The following EHMT2 variants were observed in gnomAD, a reference collection of about 807,000 sequenced individuals.
The protein encoded by EHMT2 is histone-lysine N-methyltransferase EHMT2.
A neutral mutation model predicts 143.3 loss-of-function variants in EHMT2; 59 were observed. The observed-to-expected ratio is 0.41, with a 90% confidence interval of 0.33 to 0.51. EHMT2 has a LOEUF of 0.51. Ranked by LOEUF, EHMT2 falls within the 20% of genes least tolerant of loss-of-function variation. EHMT2 has a pLI of 0.18. For synonymous variants in EHMT2, 604 were observed against 651.5 expected (o/e 0.93, Z 1.11); for missense variants, 1,174 against 1,645.9 (o/e 0.71, Z 4.96).
Position 31,884,310 on chromosome 6 carries a change from G to A in EHMT2, c.2771+82C>T. ...GGTGCATGGGGAGGGGTTGGGGAAT[G>A]TTGTGAGGATGCAATGGAGCCTGGG... is the stretch of plus-strand genomic sequence containing the variant. On this transcript the variant is annotated intron_variant, in intron 21 of 27. Coordinates refer to ENST00000375537, the Ensembl canonical transcript of EHMT2. The surrounding 1 kb of genome is among the most constrained non-coding windows in gnomAD (Gnocchi z 7.3). 1 of 1,484,474 alleles carries A rather than the reference G, an allele frequency of 6.7e-7. No homozygotes were observed. 92.0% of individuals were successfully genotyped at this position (1,484,474 alleles called of 1,614,324 possible). A position where few individuals can be genotyped will look rare whatever the true frequency, so the allele number is the denominator to read the frequency against.
Position 31,883,332 on chromosome 6 carries a change from G to T in EHMT2, c.2994+30C>A. On this transcript the variant is annotated intron_variant, in intron 23 of 27. Coordinates refer to ENST00000375537, the Ensembl canonical transcript of EHMT2. This position sits in a 1 kb window ranked among gnomAD's most constrained non-coding sequence, Gnocchi z 5.6. The stretch of plus-strand genomic sequence containing the variant: ...CTGGCTCCTCTGAAGGAGGGGCCGG[G>T]TGTCTGTGGCCAAGGCAAGGGGCAC... 4 of 1,609,044 alleles carry T rather than the reference G, an allele frequency of 2.5e-6. No individual in the cohort carries two copies. The highest frequency in any genetic ancestry group is 3.4e-6 in the Non-Finnish European group (4 of 1,176,790).
Position 31,889,577 on chromosome 6 carries a change from T to C in EHMT2, c.890A>G (p.Gln297Arg). 6.2e-7 allele frequency: 1 copy of C among 1,611,392 alleles called. No homozygotes were observed. The highest frequency in any genetic ancestry group is 2.2e-5 in the East Asian group (1 of 44,876). Residue 297 changes from glutamine to arginine, a missense_variant, in exon 8 of 28, where the codon CAA (glutamine) becomes CGA (arginine). By Grantham distance (43) the Gln-to-Arg change is conservative. Coordinates refer to ENST00000375537, the Ensembl canonical transcript of EHMT2. This position sits in a 1 kb window ranked among gnomAD's most constrained non-coding sequence, Gnocchi z 5.1. ...TTCCTCCTCCTCCTCTTCACTTAGT[T>C]GTTCAGTTAGAGCTTCAACTTCAGA...
At position 31,889,555 on chromosome 6, in the gene EHMT2, C is replaced by G; in HGVS notation, c.912G>C (p.Glu304Asp). The change falls in exon 8 of 28, where the codon GAG becomes GAC. Residue 304 changes from glutamate to aspartate, a missense_variant. Physicochemically the swap from Glu to Asp is conservative, Grantham distance 45. Around this residue, in one of 6 missense-constraint regions of EHMT2, gnomAD observed 399 missense variants for 404.4 expected, o/e 0.99. Coordinates refer to ENST00000375537, the Ensembl canonical transcript of EHMT2. This position sits in a 1 kb window ranked among gnomAD's most constrained non-coding sequence, Gnocchi z 5.1. ...CCTCTTCTTCTTCTTCCTCCTCTTC[C>G]TCCTCCTCCTCTTCACTTAGTTGTT... 6.2e-7 allele frequency: 1 copy of G among 1,607,228 alleles called. No homozygotes were observed. Among genetic ancestry groups the G allele is most frequent in the Non-Finnish European group, 8.5e-7 (1 of 1,176,372 alleles).
At chr6:31,892,359 C>T (rs778637902) in intron 7 of EHMT2, 48 bp downstream of exon 7, 11 of 1,598,332 alleles carry the variant, frequency 6.9e-6, no homozygotes, top group Non-Finnish European at 9.4e-6. Context: ...CAGTGAGCCC[C>T]AGCCCTGGGG....
chr6:31,888,926 G>A lies in EHMT2; in HGVS notation c.1216+43C>T. 2 of 1,551,404 alleles carry A rather than the reference G, an allele frequency of 1.3e-6. No individual in the cohort carries two copies. Among genetic ancestry groups the A allele is most frequent in the African/African-American group, 1.4e-5 (1 of 73,784 alleles). Reference sequence around the variant, plus strand: ...TCCTTCCCTTTCCCTCCTGCCCTGAGGTCGCCCCCTAGTGGCTCCCTGTCC... The same window carrying A: ...TCCTTCCCTTTCCCTCCTGCCCTGAAGTCGCCCCCTAGTGGCTCCCTGTCC... On this transcript the variant is annotated intron_variant, in intron 10 of 27. Coordinates refer to ENST00000375537, the Ensembl canonical transcript of EHMT2. This position sits in a 1 kb window ranked among gnomAD's most constrained non-coding sequence, Gnocchi z 7.4.
exon 14 of EHMT2, chr6:31,887,868 G>A: frequency 6.2e-7 from 1 of 1,611,868 alleles, no homozygotes; most frequent in Non-Finnish European, 8.5e-7. Context: ...AGCCCCCATT[G>A]GGCAGGGTCA....
At chr6:31,882,285 T>C (rs1456203104) in intron 25 of EHMT2, among the ~76,000 whole-genome samples, 1 of 152,052 alleles carries the variant, frequency 6.6e-6, no homozygotes, top group East Asian at 1.9e-4. Flanking sequence ...TCACCTCCAC[T>C]CTACAGACAA....
intron 4 of EHMT2, chr6:31,893,781 A>G (rs1766003704): frequency 5.4e-6 from 1 of 185,076 alleles, no homozygotes; most frequent in Admixed American, 5.5e-5. Context: ...TTACACTTAG[A>G]TAAAGTACTT....
intron 15 of EHMT2, 67 bp from the exon 16 acceptor site, chr6:31,887,168 G>A (rs1398109425): frequency 1.1e-5 from 15 of 1,377,538 alleles, no homozygotes; most frequent in Non-Finnish European, 1.2e-5. Flanking sequence ...GGGGCAGGTG[G>A]CACTTCTTTC....
chr6:31,897,692 G>A, upstream of EHMT2: 2 of 1,098,208 alleles, frequency 1.8e-6, no homozygotes, highest in Non-Finnish European at 2.3e-6. Flanking sequence ...GCTTGCGCTG[G>A]GGGCCGAGCC....
chr6:31,886,817 T>C lies in EHMT2; in HGVS notation c.2199A>G (p.Val733=), dbSNP rs779609966. 13 of 1,614,258 alleles carry C rather than the reference T, an allele frequency of 8.1e-6. No homozygotes were observed. In the South Asian group the frequency reaches 1.4e-4, roughly 18 times the overall value. The change falls in exon 17 of 28, where the codon GTA becomes GTG. Residue 733 remains valine, a synonymous_variant. Coordinates refer to ENST00000375537, the Ensembl canonical transcript of EHMT2. ...CACCACGCTGCACCATGTAACGGGCTACCTCCAGGTGGTTGTTCACCACGG... is the reference window on the plus strand; with the variant it reads ...CACCACGCTGCACCATGTAACGGGCCACCTCCAGGTGGTTGTTCACCACGG...
In EHMT2 at chr6:31,883,870, T is replaced by C. The variant is rs747261827; in HGVS notation, c.2852A>G (p.Lys951Arg). 1.2e-6 allele frequency: 2 copies of C among 1,614,038 alleles called. No individual in the cohort carries two copies. Among genetic ancestry groups the C allele is most frequent in the Admixed American group, 1.7e-5 (1 of 60,022 alleles). ...CGTCTCGCAGTTCTCTGAGATGTAC[T>C]TGTAATCCTCAGGGCAGGGCTCCCC... Residue 951 changes from lysine (K) to arginine (R), a missense_variant, in exon 22 of 28, where the codon AAG becomes AGG. Transcript: ENST00000375537. The surrounding 1 kb of genome is among the most constrained non-coding windows in gnomAD (Gnocchi z 5.6).
chr6:31,888,069 G>C lies in EHMT2; in HGVS notation c.1717C>G (p.Pro573Ala). ...GGCTGAGAAGTGTCTGCTCTCCCGG[G>C]GACATCCTGGGACAGGGGTGGGGGT... The change falls in exon 13 of 28, where the codon CCC becomes GCC. Residue 573 changes from proline to alanine, a missense_variant. By Grantham distance (27) the Pro-to-Ala change is conservative. Around this residue, in one of 6 missense-constraint regions of EHMT2, gnomAD observed 608 missense variants for 903.7 expected, o/e 0.67. Transcript: ENST00000375537. This position sits in a 1 kb window ranked among gnomAD's most constrained non-coding sequence, Gnocchi z 7.4. 6.3e-7 allele frequency: 1 copy of C among 1,599,878 alleles called. No homozygotes were observed. The highest frequency in any genetic ancestry group is 8.5e-7 in the Non-Finnish European group (1 of 1,173,652).
Position 31,888,864 on chromosome 6 carries a change from C to T in EHMT2, c.1216+105G>A. The T allele has an allele frequency of 6.6e-7, 1 of 1,511,170 alleles. No individual in the cohort carries two copies. Among genetic ancestry groups the T allele is most frequent in the South Asian group, 1.2e-5 (1 of 82,152 alleles). 93.6% of individuals were successfully genotyped at this position (1,511,170 alleles called of 1,614,324 possible). The stretch of plus-strand genomic sequence containing the variant: ...CCGCCATGCCCCAGAACCCCTAAAG[C>T]CTGGCCATGGACACCCCGGCTCTGG... On this transcript the variant is annotated intron_variant, in intron 10 of 27. Transcript: ENST00000375537. This position sits in a 1 kb window ranked among gnomAD's most constrained non-coding sequence, Gnocchi z 7.4.
rs928345646 is a variant in EHMT2, at chr6:31,897,250, C to T, written c.43-261G>A. The T allele has an allele frequency of 6.7e-6, 7 of 1,043,848 alleles. No individual in the cohort carries two copies. The African/African-American group carries it at 1.0e-4, about 15-fold the overall frequency. 64.7% of individuals were successfully genotyped at this position (1,043,848 alleles called of 1,614,324 possible). A position where few individuals can be genotyped will look rare whatever the true frequency, so the allele number is the denominator to read the frequency against. On this transcript the variant is annotated intron_variant, in intron 1 of 27. Transcript: ENST00000375537. ...GGGGGAGGGGGCGGGGCCTCCGCGCCCCGGCCCCGCCCCCTCCTCCCGGCT... is the reference window on the plus strand; with the variant it reads ...GGGGGAGGGGGCGGGGCCTCCGCGCTCCGGCCCCGCCCCCTCCTCCCGGCT...
chr6:31,881,634 C>T lies in EHMT2; in HGVS notation c.3198-542G>A, dbSNP rs1764124491. 1.2e-5 allele frequency: 2 copies of T among 167,340 alleles called. No individual in the cohort carries two copies. Among genetic ancestry groups the T allele is most frequent in the Non-Finnish European group, 2.6e-5 (2 of 75,924 alleles). 10.4% of individuals were successfully genotyped at this position (167,340 alleles called of 1,614,324 possible). A position where few individuals can be genotyped will look rare whatever the true frequency, so the allele number is the denominator to read the frequency against. The stretch of plus-strand genomic sequence containing the variant: ...AGTGACTGTCAAGAGACAGCTTCAG[C>T]AGAGTGGGAAGGGCAAAGGCCGATT... On this transcript the variant is annotated intron_variant, in intron 25 of 27. Transcript: ENST00000375537. The surrounding 1 kb of genome is among the most constrained non-coding windows in gnomAD (Gnocchi z 4.8).
At position 31,883,595 on chromosome 6, in the gene EHMT2, G is replaced by A; in HGVS notation, c.2917-156C>T. The A allele has an allele frequency of 1.0e-6, 1 of 969,038 alleles. No individual in the cohort carries two copies. Among genetic ancestry groups the A allele is most frequent in the Non-Finnish European group, 1.6e-6 (1 of 633,522 alleles). The allele number at this position is 969,038 out of a possible 1,614,324, so 60.0% of individuals were successfully genotyped here. A position where few individuals can be genotyped will look rare whatever the true frequency, so the allele number is the denominator to read the frequency against. Reference sequence around the variant, plus strand: ...TCCTAGGGTGACGGGTAATCAGTATGGTGGTGTCCCCAGGGCTACTGGGAG... The same window carrying A: ...TCCTAGGGTGACGGGTAATCAGTATAGTGGTGTCCCCAGGGCTACTGGGAG... On this transcript the variant is annotated intron_variant, in intron 22 of 27. Coordinates refer to ENST00000375537, the Ensembl canonical transcript of EHMT2. The surrounding 1 kb of genome is among the most constrained non-coding windows in gnomAD (Gnocchi z 5.6).
At position 31,883,489 on chromosome 6, in the gene EHMT2, C is replaced by T. The variant is rs756970606; in HGVS notation, c.2917-50G>A. The T allele has an allele frequency of 1.0e-4, 159 of 1,564,852 alleles. No homozygotes were observed. The highest frequency in any genetic ancestry group is 1.3e-4 in the Non-Finnish European group (149 of 1,147,308). On this transcript the variant is annotated intron_variant, in intron 22 of 27. Transcript: ENST00000375537. The surrounding 1 kb of genome is among the most constrained non-coding windows in gnomAD (Gnocchi z 5.6). ...CTCAACCCCATGATCGGTCTGGGCCCCTCTACTCTTGATGCCCCCTGACCC... is the reference window on the plus strand; with the variant it reads ...CTCAACCCCATGATCGGTCTGGGCCTCTCTACTCTTGATGCCCCCTGACCC...
Position 31,889,202 on chromosome 6 carries a change from ACC to A in EHMT2, c.1114+24_1114+25del. 1 of 1,585,138 alleles carries A rather than the reference ACC, an allele frequency of 6.3e-7. No individual in the cohort carries two copies. The highest frequency in any genetic ancestry group is 8.6e-7 in the Non-Finnish European group (1 of 1,166,248). On this transcript the variant is annotated intron_variant, in intron 9 of 27. Coordinates refer to ENST00000375537, the Ensembl canonical transcript of EHMT2. This position sits in a 1 kb window ranked among gnomAD's most constrained non-coding sequence, Gnocchi z 5.1. ...GGGGGCCGGGCGGGGGCTGGAGGGC[ACC>A]CAAAAGCAGCAGAGCCTCCTCACCT...
Sources: gnomAD v4.1 joint callset for allele counts (sites outside exome capture counted in the v4.1 genomes callset) on GRCh38, gnomAD v4.1.1 for gene constraint, gnomAD v4.1.1 regional missense constraint, Gnocchi (gnomAD v3.1) non-coding constraint, MANE v1.5 for transcripts, NCBI Gene and HGNC (gene_info 2026-07-23, HGNC 2026-07-21) for gene names.